GNA12: variants seen among roughly 807,000 people sequenced by gnomAD.
GNA12 encodes G protein subunit alpha 12, also known as guanine nucleotide-binding protein subunit alpha-12.
A neutral mutation model predicts 26.0 loss-of-function variants in GNA12; 9 were observed. That is an observed-to-expected ratio of 0.35 (90% CI 0.21 to 0.60). The LOEUF is 0.60. Ranked by LOEUF, GNA12 falls within the 20% of genes least tolerant of loss-of-function variation. The pLI is 0.78. For synonymous variants in GNA12, 264 were observed against 219.6 expected, an observed-to-expected ratio of 1.20 and a Z score of -1.79; for missense variants, 405 against 525.8, an observed-to-expected ratio of 0.77 and a Z score of 2.25.
At position 2,844,120 on chromosome 7, in the gene GNA12, C is replaced by T; in HGVS notation, c.42G>A (p.Pro14=). The T allele has an allele frequency of 1.0e-6, 1 of 989,360 alleles. No individual in the cohort carries two copies. The highest frequency in any genetic ancestry group is 1.2e-6 in the Non-Finnish European group (1 of 834,476). 61.3% of individuals were successfully genotyped at this position (989,360 alleles called of 1,614,324 possible). A position where few individuals can be genotyped will look rare whatever the true frequency, so the allele number is the denominator to read the frequency against. ...GCTCGCGGGCCCCGCCGGCCTCGGC[C>T]GGCAGCAGGCAGCGGCTGAGGGTCC... ...VVRTLSRCLL[P]AEAGGARERR... The change falls in exon 1 of 4, where the codon CCG becomes CCA. Residue 14 remains proline, a synonymous_variant. Coordinates refer to ENST00000275364, the MANE Select transcript of GNA12 (RefSeq NM_007353.3).
At chr7:2,762,696 G>T (rs1464347744) in intron 2 of GNA12, 1 of 1,576,260 alleles carries the variant, frequency 6.3e-7, no homozygotes, top group African/African-American at 1.4e-5. Context: ...ACGCTGCCCG[G>T]GTGGAGGAGC....
rs1193855814 is a variant in GNA12 at position 2,758,345 on chromosome 7, G to A, written c.526-24844C>T. On this transcript the variant is annotated intron_variant, in intron 2 of 3. Transcript: ENST00000275364. ...CATCCAAGTGATGACATCCTCATAC[G>A]TCGTGTGGCCTCTGAAAAGCTCCAA... 3.9e-5 allele frequency among the ~76,000 whole-genome samples: 6 copies of A among 152,152 alleles called. No individual in the cohort carries two copies. In the East Asian group the frequency reaches 5.8e-4, roughly 15 times the overall value.
intron 1 of GNA12, among the ~76,000 whole-genome samples, chr7:2,798,391 T>A (rs1340097995): frequency 6.6e-6 from 1 of 152,168 alleles, no homozygotes; most frequent in Non-Finnish European, 1.5e-5. Context: ...ATACTAGCAA[T>A]GAACATGTGG....
chr7:2,843,677 G>A (rs573872368), intron 1 of GNA12, among the ~76,000 whole-genome samples, 176 bp downstream of exon 1: 2 of 149,314 alleles, frequency 1.3e-5, no homozygotes, highest in African/African-American at 5.0e-5. Flanking sequence ...GGGCAGAGAC[G>A]ACGCCAGCAG....
intron 2 of GNA12, among the ~76,000 whole-genome samples, chr7:2,750,837 C>T (rs1017156919): frequency 7.2e-5 from 11 of 152,124 alleles, no homozygotes; most frequent in African/African-American, 1.2e-4. Context: ...TCGGATATGG[C>T]GAAAGTTTTA....
chr7:2,794,721 T>C (rs1038516692), intron 2 of GNA12: 1 of 589,468 alleles, frequency 1.7e-6, no homozygotes, highest in Non-Finnish European at 3.0e-6. Flanking sequence ...TGATCTTACC[T>C]GAGTGGCTCT....
In GNA12 at chr7:2,737,274, G is replaced by GTTTT. The variant is rs1041056812; in HGVS notation, c.526-3777_526-3774dup. On this transcript the variant is annotated intron_variant, in intron 2 of 3. Transcript: ENST00000275364. ...AGGAGCTATCTCACAGTTTTGTTTTGTTTTTTTTTTTTTTGTTTTTTTTTT... is the reference window on the plus strand; with the variant it reads ...AGGAGCTATCTCACAGTTTTGTTTTGTTTTTTTTTTTTTTTTTTGTTTTTTTTTT... Among the ~76,000 whole-genome samples, 272 of 35,002 alleles carry GTTTT rather than the reference G, an allele frequency of 7.8e-3. 27 individuals carry two copies. The highest frequency in any genetic ancestry group is 0.025 in the East Asian group (30 of 1,198). 23.0% of individuals were successfully genotyped at this position (35,002 alleles called of 152,430 possible). A position where few individuals can be genotyped will look rare whatever the true frequency, so the allele number is the denominator to read the frequency against.
chr7:2,815,649 C>G (rs1038235933), intron 1 of GNA12, among the ~76,000 whole-genome samples: 1 of 152,224 alleles, frequency 6.6e-6, no homozygotes, highest in Non-Finnish European at 1.5e-5. Context: ...AAACCACAAT[C>G]GAGGCTCTTG....
At chr7:2,824,953 G>A (rs908407234) in intron 1 of GNA12, among the ~76,000 whole-genome samples, 1 of 152,046 alleles carries the variant, frequency 6.6e-6, no homozygotes, top group South Asian at 2.1e-4. Context: ...AAAGACAAGG[G>A]AGGAGGCCCC....
intron 2 of GNA12, among the ~76,000 whole-genome samples, chr7:2,747,922 G>C (rs1486612608): frequency 6.6e-6 from 1 of 151,772 alleles, no homozygotes; most frequent in African/African-American, 2.4e-5. Context: ...GCTTCAAAGA[G>C]AATAAAATAC....
At chr7:2,749,626 C>T (rs1053968523) in intron 2 of GNA12, among the ~76,000 whole-genome samples, 3 of 151,628 alleles carry the variant, frequency 2.0e-5, no homozygotes, top group Admixed American at 6.6e-5. Context: ...CAAACCTGCA[C>T]GTTGTGCACA....
intron 2 of GNA12, among the ~76,000 whole-genome samples, chr7:2,787,008 T>C (rs1244788708): frequency 6.6e-6 from 1 of 152,128 alleles, no homozygotes; most frequent in Admixed American, 6.5e-5. Context: ...TGCTCTGCCC[T>C]CCAGGGGCAG....
At chr7:2,736,131 A>G (rs798524) in intron 2 of GNA12, among the ~76,000 whole-genome samples, 89,761 of 152,030 alleles carry the variant, frequency 0.59, 26,732 homozygotes, top group Admixed American at 0.63. Flanking sequence ...TTCAACACTA[A>G]GAGAATTCAG....
At chr7:2,746,471 G>T (rs1260414148) in intron 2 of GNA12, among the ~76,000 whole-genome samples, 1 of 152,092 alleles carries the variant, frequency 6.6e-6, no homozygotes, top group Non-Finnish European at 1.5e-5. Flanking sequence ...TGAAACCAAC[G>T]AGAACAAAGA....
At chr7:2,835,501 G>A in intron 1 of GNA12, 2 of 448,012 alleles carry the variant, frequency 4.5e-6, no homozygotes, top group Non-Finnish European at 8.3e-6. Context: ...TTGGCCATGG[G>A]TCCAAGGGGA....
intron 2 of GNA12, among the ~76,000 whole-genome samples, chr7:2,790,124 C>T (rs780840291): frequency 9.9e-5 from 15 of 152,182 alleles, no homozygotes; most frequent in Non-Finnish European, 1.9e-4. Flanking sequence ...CACCTCACTC[C>T]GCACTGTCTC....
At chr7:2,783,810 G>T (rs1304113538) in intron 2 of GNA12, among the ~76,000 whole-genome samples, 2 of 151,768 alleles carry the variant, frequency 1.3e-5, no homozygotes, top group Non-Finnish European at 1.5e-5. Context: ...TCAGCCTCCC[G>T]AGTAGGTGGG....
chr7:2,803,886 G>C (rs966480123), intron 1 of GNA12, among the ~76,000 whole-genome samples: 1 of 151,920 alleles, frequency 6.6e-6, no homozygotes, highest in Non-Finnish European at 1.5e-5. Context: ...TGAAAATCCA[G>C]GGCTCCATTT....
chr7:2,809,821 A>G (rs1173679576), intron 1 of GNA12, among the ~76,000 whole-genome samples: 2 of 152,236 alleles, frequency 1.3e-5, no homozygotes, highest in Non-Finnish European at 2.9e-5. Flanking sequence ...TGTAAATATT[A>G]CTTAGTAATA....
Sources: allele counts gnomAD v4.1 joint callset (sites outside exome capture counted in the v4.1 genomes callset), GRCh38; gene constraint gnomAD v4.1.1; transcripts MANE v1.5; gene names NCBI Gene and HGNC (gene_info 2026-07-23, HGNC 2026-07-21).